Variants in GCM1 observed in about 807,000 individuals in gnomAD.
GCM1 encodes the protein GCM transcription factor 1.
GCM1 carries 2 observed loss-of-function variants against 25.7 expected under a neutral mutation model. The ratio of observed to expected loss-of-function variants is 0.08; its 90% CI spans 0.03 to 0.24. The LOEUF (loss-of-function observed/expected upper bound fraction) is 0.24, where lower values mean the gene tolerates loss of function less well. Ranked by LOEUF, GCM1 falls within the 10% of genes least tolerant of loss-of-function variation. GCM1 has a pLI of 1.00. For synonymous variants in GCM1, 183 were observed against 195.7 expected, an observed-to-expected ratio of 0.94 and a Z score of 0.54; for missense variants, 395 against 538.7, an observed-to-expected ratio of 0.73 and a Z score of 2.64.
At chr6:53,131,125 C>T (rs1020886882) in intron 4 of GCM1, among the ~76,000 whole-genome samples, 194 bp from the exon 5 acceptor site, 2 of 152,206 alleles carry the variant, frequency 1.3e-5, no homozygotes, top group Admixed American at 1.3e-4. Flanking sequence ...CTCTCACCCA[C>T]CCAGCAAAGC....
chr6:53,144,914 CAA>C (rs11286993), intron 2 of GCM1, among the ~76,000 whole-genome samples: 1,139 of 70,688 alleles, frequency 0.016, 5 homozygotes, highest in Admixed American at 0.039. Context: ...GACCCTACCT[CAA>C]AAAAAAAAAA....
At chr6:53,135,260 A>G (rs1033165067) in intron 2 of GCM1, among the ~76,000 whole-genome samples, 2 of 152,176 alleles carry the variant, frequency 1.3e-5, no homozygotes, top group East Asian at 1.9e-4. Flanking sequence ...GCACTTAAAC[A>G]TGGTTAAGAT....
rs974309318 is a variant in GCM1, at chr6:53,131,871, G to A, written c.441+136C>T. The A allele has an allele frequency of 6.0e-6, 4 of 664,718 alleles. No individual in the cohort carries two copies. The African/African-American group carries it at 7.2e-5, about 12-fold the overall frequency. The allele number at this position is 664,718 out of a possible 1,614,324, so 41.2% of individuals were successfully genotyped here. ...AGCACTTCAAACATCTATTAGAAGT[G>A]CAGGGGACAGATACTTGCTCTCTTA... On this transcript the variant is annotated intron_variant, in intron 4 of 5. Transcript: ENST00000259803.
At position 53,128,434 on chromosome 6, in the gene GCM1, A is replaced by G; in HGVS notation, c.1083T>C (p.Gly361=). The part of the protein sequence containing the change: ...GCPPLWPNPA[G]NLYEEKVHVD... ...CATGTACTTTCTCTTCATAAAGATT[A>G]CCCGCTGGATTTGGCCATAATGGGG... is the stretch of plus-strand genomic sequence containing the variant. Residue 361 remains glycine (G), a synonymous_variant, in exon 6 of 6, where the codon GGT becomes GGC. Coordinates refer to ENST00000259803, the MANE Select transcript of GCM1 (RefSeq NM_003643.4). 1 of 1,614,020 alleles carries G rather than the reference A, an allele frequency of 6.2e-7. No homozygotes were observed. The highest frequency in any genetic ancestry group is 8.5e-7 in the Non-Finnish European group (1 of 1,179,934).
chr6:53,132,165 C>T lies in GCM1; in HGVS notation c.329-46G>A, dbSNP rs144448584. On this transcript the variant is annotated intron_variant, in intron 3 of 5. Transcript: ENST00000259803. ...ATGACCACACCTGGCTGAACCATGT[C>T]GGTTGTTGACTCCTGTGCAGTCTTG... 458 of 1,161,052 alleles carry T rather than the reference C, an allele frequency of 3.9e-4. 5 individuals are homozygous for T. In the East Asian group the frequency reaches 8.9e-3, roughly 23 times the overall value. The allele number at this position is 1,161,052 out of a possible 1,614,324, so 71.9% of individuals were successfully genotyped here.
chr6:53,134,003 A>G, intron 3 of GCM1, 69 bp downstream of exon 3: 1 of 1,460,492 alleles, frequency 6.8e-7, no homozygotes, highest in Non-Finnish European at 9.4e-7. Context: ...GCTGGGACAC[A>G]GTGACCCATC....
At chr6:53,148,726 C>T (rs1239170784) in intron 1 of GCM1, 28 bp downstream of exon 1, 2 of 152,210 alleles carry the variant, frequency 1.3e-5, no homozygotes, top group Non-Finnish European at 2.9e-5. Context: ...TTACATTTGC[C>T]TCTCCACGGG....
Position 53,134,269 on chromosome 6 carries a change from A to C in GCM1, c.131T>G (p.Ile44Ser). ...CGCATTCTTGTCCTCCGAGCTGTAGATGTGTTTGGCATAGGAATCTGGCCA... is the reference window on the plus strand; with the variant it reads ...CGCATTCTTGTCCTCCGAGCTGTAGCTGTGTTTGGCATAGGAATCTGGCCA... ...QEWPDSYAKH[I>S]YSSEDKNAQR... Residue 44 changes from isoleucine (I) to serine (S), a missense_variant, in exon 3 of 6, where the codon ATC becomes AGC. Physicochemically the swap from Ile to Ser is moderately radical, Grantham distance 142. This residue lies in a region of GCM1 where 44 missense variants were observed against 60.8 expected (regional missense o/e 0.72). Transcript: ENST00000259803. 1 of 1,614,080 alleles carries C rather than the reference A, an allele frequency of 6.2e-7. No homozygotes were observed. The highest frequency in any genetic ancestry group is 8.5e-7 in the Non-Finnish European group (1 of 1,179,984).
In GCM1 at chr6:53,129,895, T is replaced by TA. The variant is rs200239199; in HGVS notation, c.570+907dup. ...GGTATATTGTTCTTTAGTTAATCGT[T>TA]AAAAAAAGGATCTGGTTGAGAATTA... On this transcript the variant is annotated intron_variant, in intron 5 of 5. Transcript: ENST00000259803. Among the ~76,000 whole-genome samples the TA allele has an allele frequency of 9.8e-3, 1,495 of 152,256 alleles. 8 individuals carry two copies. The highest frequency in any genetic ancestry group is 0.014 in the Non-Finnish European group (962 of 68,010).
chr6:53,142,389 C>T (rs1763888392), intron 2 of GCM1, among the ~76,000 whole-genome samples: 1 of 152,174 alleles, frequency 6.6e-6, no homozygotes, highest in Admixed American at 6.5e-5. Context: ...AATACAGCCT[C>T]CTTCGGAGAG....
At chr6:53,141,309 C>T (rs1470859802) in intron 2 of GCM1, among the ~76,000 whole-genome samples, 1 of 152,202 alleles carries the variant, frequency 6.6e-6, no homozygotes, top group Non-Finnish European at 1.5e-5. Context: ...AAAATTAACC[C>T]ATAAACCTTG....
At position 53,128,477 on chromosome 6, in the gene GCM1, G is replaced by T; in HGVS notation, c.1040C>A (p.Ala347Glu). The T allele has an allele frequency of 1.9e-6, 3 of 1,614,128 alleles. No homozygotes were observed. Among genetic ancestry groups the T allele is most frequent in the Non-Finnish European group, 2.5e-6 (3 of 1,179,982 alleles). ...TAATGGGGGACAGCCAGTTTTGGCT[G>T]CAGGTGGCTCCAATGGAAGCTGCTG... Reference protein sequence around the residue: ...FYQQLPLEPPAAKTGCPPLWP... With the variant: ...FYQQLPLEPPEAKTGCPPLWP... The change falls in exon 6 of 6, where the codon GCA (alanine) becomes GAA (glutamate). Residue 347 changes from alanine (A) to glutamate (E), a missense_variant. Ala to Glu is a moderately radical substitution (Grantham distance 107, BLOSUM62 -1). Transcript: ENST00000259803.
chr6:53,145,815 A>G (rs527617768), intron 1 of GCM1, 47 bp from the exon 2 acceptor site: 2 of 505,252 alleles, frequency 4.0e-6, no homozygotes, highest in Non-Finnish European at 3.4e-6. Context: ...GAGATTTAAA[A>G]AAAAACCCCA....
intron 3 of GCM1, among the ~76,000 whole-genome samples, chr6:53,132,699 G>A (rs1019879218): frequency 6.6e-6 from 1 of 152,152 alleles, no homozygotes; most frequent in Non-Finnish European, 1.5e-5. Flanking sequence ...GTGACAGAGT[G>A]AAAGTCTGTC....
At chr6:53,139,989 C>G (rs1763851863) in intron 2 of GCM1, among the ~76,000 whole-genome samples, 1 of 152,150 alleles carries the variant, frequency 6.6e-6, no homozygotes, top group Non-Finnish European at 1.5e-5. Flanking sequence ...TCCCTTTTCC[C>G]TCCACCCAGC....
rs373501334 is a variant in GCM1 at position 53,130,816 on chromosome 6, C to G, written c.557G>C (p.Ser186Thr). 1.2e-5 allele frequency: 19 copies of G among 1,613,732 alleles called. No individual in the cohort carries two copies. The highest frequency in any genetic ancestry group is 1.4e-5 in the Non-Finnish European group (17 of 1,179,650). Residue 186 changes from serine (S) to threonine (T), a missense_variant, in exon 5 of 6, where the codon AGC becomes ACC. Ser to Thr is a moderately conservative substitution (Grantham distance 58, BLOSUM62 1). This residue lies in a region of GCM1 where 291 missense variants were observed against 314.6 expected (regional missense o/e 0.92). Transcript: ENST00000259803. ...ATGAAGGATTACCCTGGTCTCTGTG[C>G]TCCCCTTCAGGCTCAATGAGACGGA... ...PSSVSLSLKG[S>T]TETRSLPGET... is the part of the protein sequence containing the mutation.
In GCM1 at chr6:53,127,109, C is replaced by G. The variant is rs1179982249; in HGVS notation, c.*1097G>C. 1 of 152,184 alleles carries G rather than the reference C, an allele frequency of 6.6e-6. No homozygotes were observed. The highest frequency in any genetic ancestry group is 1.5e-5 in the Non-Finnish European group (1 of 68,042). The allele number at this position is 152,184 out of a possible 1,614,324, so 9.4% of individuals were successfully genotyped here. A position where few individuals can be genotyped will look rare whatever the true frequency, so the allele number is the denominator to read the frequency against. ...TGCCAGGCTAATTGCACAAGAGCTT[C>G]TCCAAGCAAATATTTCTCACCTATT... On this transcript the variant is annotated 3_prime_UTR_variant, in exon 6 of 6. Coordinates refer to ENST00000259803, the MANE Select transcript of GCM1 (RefSeq NM_003643.4).
At chr6:53,129,621 C>CA (rs1210992654) in intron 5 of GCM1, among the ~76,000 whole-genome samples, 1 of 152,202 alleles carries the variant, frequency 6.6e-6, no homozygotes, top group Non-Finnish European at 1.5e-5. Context: ...TACAAAATAT[C>CA]AAAGTATAAC....
At chr6:53,139,840 G>A (rs374550054) in intron 2 of GCM1, among the ~76,000 whole-genome samples, 18 of 152,164 alleles carry the variant, frequency 1.2e-4, no homozygotes, top group East Asian at 9.7e-4. Flanking sequence ...CAGCCTGGGC[G>A]ACAGAGTGAG....
Sources: gnomAD v4.1 joint callset for allele counts (sites outside exome capture counted in the v4.1 genomes callset) on GRCh38, gnomAD v4.1.1 for gene constraint, gnomAD v4.1.1 regional missense constraint, MANE v1.5 for transcripts, NCBI Gene and HGNC (gene_info 2026-07-23, HGNC 2026-07-21) for gene names.